The following HDAC9 variants were observed in gnomAD, a reference collection of about 807,000 sequenced individuals.
The protein encoded by HDAC9 is MEF-2 interacting transcription repressor (MITR) protein.
HDAC9 carries 41 observed loss-of-function variants against 139.4 expected under a neutral mutation model. That is an observed-to-expected ratio of 0.29 (90% CI 0.23 to 0.38). The LOEUF is 0.38. Among genes scored for constraint, HDAC9 ranks in the 10% least tolerant of loss-of-function variants. The pLI is 1.00. For missense variants in HDAC9, 1,147 were observed against 1,297.0 expected, an observed-to-expected ratio of 0.88 and a Z score of 1.78; for synonymous variants, 517 against 476.2, an observed-to-expected ratio of 1.09 and a Z score of -1.12.
At chr7:18,331,483 G>GTGTAGTAAAATGTAACTTTTTGACCC (rs1800915222) in intron 1 of HDAC9, among the ~76,000 whole-genome samples, 1 of 151,594 alleles carries the variant, frequency 6.6e-6, no homozygotes, top group Non-Finnish European at 1.5e-5. Flanking sequence ...TTTATTAGTT[G>GTGTAGTAAAATGTAACTTTTTGACCC]TGTAGTAAAA....
chr7:18,858,073 T>G (rs1046672555), intron 21 of HDAC9, among the ~76,000 whole-genome samples: 1 of 152,180 alleles, frequency 6.6e-6, no homozygotes, highest in Non-Finnish European at 1.5e-5. Context: ...GTTTAGTGGT[T>G]CATTTAGCAT....
chr7:18,916,647 C>T (rs1480216154), intron 22 of HDAC9, among the ~76,000 whole-genome samples: 9 of 151,946 alleles, frequency 5.9e-5, no homozygotes, highest in Admixed American at 5.2e-4. Context: ...CAGAGAGAAA[C>T]GGGCACACAA....
intron 21 of HDAC9, among the ~76,000 whole-genome samples, chr7:18,842,741 C>G (rs1796666396): frequency 6.6e-6 from 1 of 152,092 alleles, no homozygotes; most frequent in Non-Finnish European, 1.5e-5. Context: ...ATTACAATTT[C>G]TAGGTGTGTG....
At chr7:18,911,035 C>T (rs1161584056) in intron 22 of HDAC9, among the ~76,000 whole-genome samples, 1 of 151,608 alleles carries the variant, frequency 6.6e-6, no homozygotes, top group East Asian at 1.9e-4. Flanking sequence ...GTTATTTATT[C>T]TTCCAGTATT....
At chr7:18,202,905 G>T (rs535004031) in intron 2 of HDAC9, among the ~76,000 whole-genome samples, 3 of 152,158 alleles carry the variant, frequency 2.0e-5, no homozygotes, top group African/African-American at 7.2e-5. Flanking sequence ...CTTTGTTTCA[G>T]TTTGCTCATC....
rs376294161 is a variant in HDAC9 at position 18,829,255 on chromosome 7, G to T, written c.2378+39G>T. ...ACTGTTGCCCATCTCCAAGCACCAC[G>T]GTTCCTGGCGGTCACCTGCCCCGTG... is the stretch of plus-strand genomic sequence containing the variant. On this transcript the variant is annotated intron_variant, in intron 18 of 25. Coordinates refer to ENST00000686413, the MANE Select transcript of HDAC9 (RefSeq NM_178425.4). The T allele has an allele frequency of 2.0e-6, 3 of 1,490,296 alleles. No homozygotes were observed. In the African/African-American group the frequency reaches 4.1e-5, roughly 21 times the overall value. 92.3% of individuals were successfully genotyped at this position (1,490,296 alleles called of 1,614,324 possible).
At chr7:18,790,733 TTG>T (rs909483924) in intron 16 of HDAC9, among the ~76,000 whole-genome samples, 10 of 152,206 alleles carry the variant, frequency 6.6e-5, no homozygotes, top group African/African-American at 2.4e-4. Flanking sequence ...GAGATAAATA[TTG>T]TTTTTGTTTA....
intron 21 of HDAC9, among the ~76,000 whole-genome samples, chr7:18,837,095 G>C (rs935257009): frequency 1.1e-4 from 16 of 151,570 alleles, no homozygotes; most frequent in Admixed American, 7.2e-4. Flanking sequence ...GCAGGTCCAG[G>C]AAAAATGATA....
intron 22 of HDAC9, among the ~76,000 whole-genome samples, chr7:18,896,946 A>AATTTT (rs1801256176): frequency 6.6e-6 from 1 of 152,032 alleles, no homozygotes; most frequent in Non-Finnish European, 1.5e-5. Context: ...TCAATTCCTG[A>AATTTT]GACCATAAAC....
intron 1 of HDAC9, among the ~76,000 whole-genome samples, chr7:18,384,279 A>G (rs372800142): frequency 1.5e-4 from 23 of 152,152 alleles, no homozygotes; most frequent in African/African-American, 5.3e-4. Context: ...CTGCACTTCA[A>G]CCTGAGGGAC....
intron 16 of HDAC9, among the ~76,000 whole-genome samples, chr7:18,790,992 GA>G (rs1476149672): frequency 1.3e-5 from 2 of 152,162 alleles, no homozygotes; most frequent in Non-Finnish European, 2.9e-5. Context: ...TAGAAGTTTA[GA>G]CACCAAAATT....
intron 1 of HDAC9, among the ~76,000 whole-genome samples, chr7:18,104,961 A>G (rs369185035): frequency 1.3e-5 from 2 of 151,762 alleles, no homozygotes; most frequent in Non-Finnish European, 2.9e-5. Flanking sequence ...TAATCAGACA[A>G]TCATGTTGTC....
intron 2 of HDAC9, among the ~76,000 whole-genome samples, chr7:18,189,962 A>G (rs911640218): frequency 1.6e-4 from 25 of 151,944 alleles, no homozygotes; most frequent in African/African-American, 6.0e-4. Flanking sequence ...CGTTTGAGAC[A>G]GAGTTTTGCT....
At chr7:18,138,142 G>A (rs1017776467) in intron 1 of HDAC9, among the ~76,000 whole-genome samples, 12 of 152,032 alleles carry the variant, frequency 7.9e-5, no homozygotes, top group Non-Finnish European at 1.5e-4. Context: ...CTGTGGGATC[G>A]GTGATGATAT....
In HDAC9 at chr7:18,739,884, G is replaced by A. The variant is rs187830148; in HGVS notation, c.1910-9121G>A. ...TGCCCTGCCCACAGAGGTGGAGTCT[G>A]TAGAGGCAGTAGGCCTTGCTGAGCT... On this transcript the variant is annotated intron_variant, in intron 13 of 25. Coordinates refer to ENST00000686413, the MANE Select transcript of HDAC9 (RefSeq NM_178425.4). Among the ~76,000 whole-genome samples, 409 of 152,344 alleles carry A rather than the reference G, an allele frequency of 2.7e-3. 2 individuals carry two copies. The highest frequency in any genetic ancestry group is 9.4e-3 in the African/African-American group (391 of 41,588).
At chr7:18,250,243 A>C (rs1014105519) in intron 2 of HDAC9, among the ~76,000 whole-genome samples, 5 of 152,276 alleles carry the variant, frequency 3.3e-5, no homozygotes, top group Non-Finnish European at 7.3e-5. Flanking sequence ...TTTAGAGGCA[A>C]CATCTAAAAC....
chr7:18,942,484 A>C (rs1472554268), intron 23 of HDAC9, among the ~76,000 whole-genome samples: 1 of 152,042 alleles, frequency 6.6e-6, no homozygotes, highest in Non-Finnish European at 1.5e-5. Flanking sequence ...AAAATATGGA[A>C]GCTTTGAATA....
intron 2 of HDAC9, among the ~76,000 whole-genome samples, chr7:18,274,079 C>A (rs2128215859): frequency 6.6e-6 from 1 of 152,060 alleles, no homozygotes; most frequent in South Asian, 2.1e-4. Flanking sequence ...GAAGTATAAT[C>A]CCTAGGGATA....
chr7:18,707,226 C>G (rs547327604), intron 12 of HDAC9, among the ~76,000 whole-genome samples: 2 of 152,312 alleles, frequency 1.3e-5, no homozygotes, highest in Admixed American at 1.3e-4. Context: ...TCATATACCT[C>G]AGAGAAGCTG....
Sources: gnomAD v4.1 joint callset for allele counts (sites outside exome capture counted in the v4.1 genomes callset) on GRCh38, gnomAD v4.1.1 for gene constraint, MANE v1.5 for transcripts, NCBI Gene and HGNC (gene_info 2026-07-23, HGNC 2026-07-21) for gene names.